HHLA2: variants seen among roughly 807,000 people sequenced by gnomAD.
HHLA2 encodes HERV-H LTR-associating protein 2.
HHLA2 carries 48 observed loss-of-function variants against 45.9 expected under a neutral mutation model. That is an observed-to-expected ratio of 1.05 (90% CI 0.83 to 1.33). The LOEUF (loss-of-function observed/expected upper bound fraction) is 1.33, where lower values mean the gene tolerates loss of function less well. HHLA2 is among the 40% of genes most tolerant of loss of function. The pLI is 0.00. For synonymous variants in HHLA2, 161 were observed against 173.9 expected (o/e 0.93, Z 0.59); for missense variants, 462 against 494.3 (o/e 0.93, Z 0.62).
chr3:108,376,738 T>C, intron 10 of HHLA2, 181 bp downstream of exon 9: 1 of 516,908 alleles, frequency 1.9e-6, no homozygotes, highest in Admixed American at 3.6e-5. Context: ...CCAATGTCTA[T>C]AATTAAACAG....
intron 8 of HHLA2, among the ~76,000 whole-genome samples, chr3:108,368,089 T>C (rs2107500039): frequency 6.6e-6 from 1 of 152,230 alleles, no homozygotes; most frequent in Non-Finnish European, 1.5e-5. Context: ...CAACCCAGAA[T>C]TTCATAACCA....
chr3:108,306,489 G>C (rs1196693137), intron 1 of HHLA2, among the ~76,000 whole-genome samples: 1 of 152,124 alleles, frequency 6.6e-6, no homozygotes, highest in African/African-American at 2.4e-5. Flanking sequence ...GCCTGCTCGA[G>C]CTCTCCCTCT....
At chr3:108,322,671 C>A (rs569114337) in intron 2 of HHLA2, among the ~76,000 whole-genome samples, 1 of 152,296 alleles carries the variant, frequency 6.6e-6, no homozygotes, top group African/African-American at 2.4e-5. Flanking sequence ...CGTTCTCAAG[C>A]TCATTCCAGA....
Position 108,376,519 on chromosome 3 carries a change from C to T in HHLA2, c.1186C>T (p.Arg396Cys), listed in dbSNP as rs371642037. ...AAGATGTTGTGTCCCTCCTGGTGAG[C>T]GCTGTCCCAGTGCACCCGATAATGG... The change falls in exon 10 of 11, where the codon CGC (arginine) becomes TGC (cysteine). Residue 396 changes from arginine to cysteine, a missense_variant. Transcript: ENST00000619531. The T allele has an allele frequency of 7.5e-5, 121 of 1,612,182 alleles. No homozygotes were observed. Among genetic ancestry groups the T allele is most frequent in the South Asian group, 3.8e-4 (35 of 90,914 alleles).
chr3:108,349,007 T>C (rs1295751430), intron 3 of HHLA2, among the ~76,000 whole-genome samples: 1 of 152,166 alleles, frequency 6.6e-6, no homozygotes, highest in Non-Finnish European at 1.5e-5. Flanking sequence ...ATGGTGTATA[T>C]GTGCCACATT....
intron 3 of HHLA2, among the ~76,000 whole-genome samples, chr3:108,336,630 G>A (rs913411977): frequency 2.6e-5 from 4 of 152,130 alleles, no homozygotes; most frequent in African/African-American, 4.8e-5. Context: ...AGTAAGGGGA[G>A]ATGCAATACT....
intron 8 of HHLA2, among the ~76,000 whole-genome samples, chr3:108,366,558 G>C (rs1350074875): frequency 6.6e-6 from 1 of 152,200 alleles, no homozygotes; most frequent in East Asian, 1.9e-4. Flanking sequence ...AATGGTACCA[G>C]CTCCTCTTTG....
chr3:108,300,437 AG>A lies in HHLA2; in HGVS notation c.-192+3843del, dbSNP rs1484400887. On this transcript the variant is annotated intron_variant, in intron 1 of 10. Coordinates refer to ENST00000619531, the Ensembl canonical transcript of HHLA2. ...ATAGTGCTCTTAGACGAAACCAGTT[AG>A]GGGGTAGAGAAAGCCAGAGTGATGG... is the stretch of plus-strand genomic sequence containing the variant. Among the ~76,000 whole-genome samples, 3 of 152,198 alleles carry A rather than the reference AG, an allele frequency of 2.0e-5. No individual in the cohort carries two copies. The East Asian group carries it at 5.8e-4, about 29-fold the overall frequency.
At chr3:108,375,835 T>C in intron 9 of HHLA2, 35 bp downstream of exon 8, 5 of 1,604,944 alleles carry the variant, frequency 3.1e-6, no homozygotes, top group Middle Eastern at 1.7e-4. Flanking sequence ...GAATGGATTC[T>C]GGTTCTGGAG....
intron 1 of HHLA2, among the ~76,000 whole-genome samples, chr3:108,301,039 A>T (rs997269935): frequency 6.6e-6 from 1 of 152,164 alleles, no homozygotes; most frequent in Non-Finnish European, 1.5e-5. Context: ...TTCACTGGAA[A>T]GGAAGGAATT....
At chr3:108,378,177 C>A (rs1187108254) in exon 11 of HHLA2, 1 of 152,242 alleles carries the variant, frequency 6.6e-6, no homozygotes, top group Admixed American at 6.5e-5. Context: ...CACCGCCTAA[C>A]CCAAAACCTA....
chr3:108,319,234 C>T (rs1162605757), intron 2 of HHLA2, among the ~76,000 whole-genome samples: 3 of 151,652 alleles, frequency 2.0e-5, no homozygotes, highest in South Asian at 4.2e-4. Flanking sequence ...TCTCACACCA[C>T]ATCATGTACT....
chr3:108,361,370 C>T (rs2081982217), intron 7 of HHLA2, among the ~76,000 whole-genome samples: 2 of 152,110 alleles, frequency 1.3e-5, no homozygotes, highest in South Asian at 2.1e-4. Context: ...CATATCACAC[C>T]GTGGATGCTA....
intron 3 of HHLA2, among the ~76,000 whole-genome samples, chr3:108,329,565 A>G (rs924553570): frequency 2.0e-5 from 3 of 152,142 alleles, no homozygotes; most frequent in African/African-American, 7.2e-5. Context: ...TTCTGAACTT[A>G]AAGGGGAGTG....
At chr3:108,375,784 T>C in exon 9 of HHLA2, 1 of 1,611,172 alleles carries the variant, frequency 6.2e-7, no homozygotes, top group Middle Eastern at 1.7e-4. Context: ...GACACCCTGC[T>C]GATGGAGCCC....
intron 3 of HHLA2, among the ~76,000 whole-genome samples, chr3:108,343,496 A>G (rs2081610871): frequency 6.6e-6 from 1 of 152,242 alleles, no homozygotes; most frequent in African/African-American, 2.4e-5. Flanking sequence ...AGGTGCAAGT[A>G]CTTGATAGAA....
chr3:108,371,831 C>T (rs2082179626), intron 8 of HHLA2, among the ~76,000 whole-genome samples: 1 of 152,122 alleles, frequency 6.6e-6, no homozygotes, highest in Admixed American at 6.5e-5. Context: ...TAAAGCAAGT[C>T]CTTAGTGACC....
chr3:108,359,854 A>G lies in HHLA2; in HGVS notation c.1003+1693A>G, dbSNP rs145994928. Among the ~76,000 whole-genome samples the G allele has an allele frequency of 3.3e-4, 51 of 152,272 alleles. 1 individual carries two copies. Among genetic ancestry groups the G allele is most frequent in the Admixed American group, 2.4e-3 (37 of 15,290 alleles). ...GTGGATGCCTGAAACTATGGACAGT[A>G]CTAAACCCTATATATGCATTCCCAC... On this transcript the variant is annotated intron_variant, in intron 7 of 10. Coordinates refer to ENST00000619531, the Ensembl canonical transcript of HHLA2.
intron 8 of HHLA2, among the ~76,000 whole-genome samples, chr3:108,371,261 C>T (rs890625213): frequency 3.9e-5 from 6 of 152,168 alleles, no homozygotes; most frequent in African/African-American, 1.4e-4. Context: ...AAATCCTTTA[C>T]AGACAAGCAA....
Sources: allele counts gnomAD v4.1 joint callset (sites outside exome capture counted in the v4.1 genomes callset), GRCh38; gene constraint gnomAD v4.1.1; transcripts MANE v1.5; gene names NCBI Gene and HGNC (gene_info 2026-07-23, HGNC 2026-07-21).